Variants in YTHDC2 observed in about 807,000 individuals in gnomAD.
The protein encoded by YTHDC2 is 3'-5' RNA helicase YTHDC2.
A neutral mutation model predicts 174.9 loss-of-function variants in YTHDC2; 45 were observed. The ratio of observed to expected loss-of-function variants is 0.26; its 90% CI spans 0.20 to 0.33. The LOEUF is 0.33. Ranked by LOEUF, YTHDC2 falls within the 10% of genes least tolerant of loss-of-function variation. The pLI is 1.00. For synonymous variants in YTHDC2, 657 were observed against 574.5 expected (o/e 1.14, Z -2.05); for missense variants, 1,650 against 1,723.7 (o/e 0.96, Z 0.76).
At position 113,581,352 on chromosome 5, in the gene YTHDC2, A is replaced by C; in HGVS notation, c.3355-65A>C. On this transcript the variant is annotated intron_variant, in intron 24 of 29. Transcript: ENST00000161863. ...AAACAGTTGCAAACTAATGGAAACT[A>C]ATCAACACATAGGTGTTTTGCATAT... The C allele has an allele frequency of 3.6e-6, 5 of 1,379,942 alleles. No individual in the cohort carries two copies. In the South Asian group the frequency reaches 6.0e-5, roughly 17 times the overall value. 85.5% of individuals were successfully genotyped at this position (1,379,942 alleles called of 1,614,324 possible). A position where few individuals can be genotyped will look rare whatever the true frequency, so the allele number is the denominator to read the frequency against.
At chr5:113,573,830 G>A (rs2112763167) in intron 23 of YTHDC2, among the ~76,000 whole-genome samples, 1 of 152,248 alleles carries the variant, frequency 6.6e-6, no homozygotes, top group East Asian at 1.9e-4. Flanking sequence ...GGTCGGTTAT[G>A]TTCTTCTCTA....
intron 20 of YTHDC2, among the ~76,000 whole-genome samples, chr5:113,564,841 T>C (rs1007232361): frequency 1.3e-5 from 2 of 152,216 alleles, no homozygotes; most frequent in East Asian, 3.8e-4. Flanking sequence ...TTTGAGACAG[T>C]CTTGCTCTGT....
At chr5:113,522,146 T>TTTTTTTTTTTG (rs1773915388) in intron 2 of YTHDC2, among the ~76,000 whole-genome samples, 1 of 147,314 alleles carries the variant, frequency 6.8e-6, no homozygotes, top group Non-Finnish European at 1.5e-5. Context: ...TTTTTGTTTT[T>TTTTTTTTTTTG]TTTTTTTTTG....
chr5:113,548,778 G>T, intron 11 of YTHDC2, 111 bp downstream of exon 11: 1 of 1,253,858 alleles, frequency 8.0e-7, no homozygotes, highest in Non-Finnish European at 1.1e-6. Context: ...ATAATTGCTG[G>T]TGAATTTCTG....
chr5:113,521,792 C>G (rs139183069), intron 2 of YTHDC2, among the ~76,000 whole-genome samples: 206 of 145,232 alleles, frequency 1.4e-3, no homozygotes, highest in African/African-American at 5.0e-3. Flanking sequence ...GTGACCATGC[C>G]TTGAAAGCAA....
At chr5:113,540,054 T>C (rs1181555820) in intron 8 of YTHDC2, among the ~76,000 whole-genome samples, 1 of 152,154 alleles carries the variant, frequency 6.6e-6, no homozygotes, top group African/African-American at 2.4e-5. Flanking sequence ...GCCCAACTAA[T>C]TTTTAAAATA....
At position 113,557,066 on chromosome 5, in the gene YTHDC2, A is replaced by T. The variant is rs374483432; in HGVS notation, c.2216+932A>T. ...TAGTCTTTTGTGGTAAGAAAAATAT[A>T]TGTGTGTTTGTGTATGTATTTTGAC... On this transcript the variant is annotated intron_variant, in intron 17 of 29. Transcript: ENST00000161863. 1.8e-4 allele frequency among the ~76,000 whole-genome samples: 28 copies of T among 152,310 alleles called. 1 individual carries two copies. The highest frequency in any genetic ancestry group is 1.5e-3 in the East Asian group (8 of 5,182).
At chr5:113,525,365 C>G (rs180750580) in intron 3 of YTHDC2, among the ~76,000 whole-genome samples, 188 bp downstream of exon 3, 1 of 151,858 alleles carries the variant, frequency 6.6e-6, no homozygotes, top group East Asian at 1.9e-4. Context: ...TTAAGTTGAA[C>G]CAAGTTTTTT....
chr5:113,546,044 C>G (rs941492032), intron 10 of YTHDC2, among the ~76,000 whole-genome samples: 2 of 151,872 alleles, frequency 1.3e-5, no homozygotes, highest in Non-Finnish European at 2.9e-5. Context: ...CCGGCCTGAT[C>G]TCCATTTTTA....
In YTHDC2 at chr5:113,567,263, C is replaced by T; in HGVS notation, c.3014C>T (p.Pro1005Leu). ...GPKEKKVRFHPASVLSQPQYK... is the reference protein window; with the variant it reads ...GPKEKKVRFHLASVLSQPQYK... ...AAGGAGAAAAAAGTACGATTTCATC[C>T]TGCTTCAGTTCTCAGTCAGCCTCAA... The change falls in exon 22 of 30, where the codon CCT becomes CTT. Residue 1005 changes from proline to leucine, a missense_variant. By Grantham distance (98) the Pro-to-Leu change is moderately conservative (BLOSUM62 -3). Transcript: ENST00000161863. The T allele has an allele frequency of 3.7e-6, 6 of 1,612,956 alleles. No individual in the cohort carries two copies. Among genetic ancestry groups the T allele is most frequent in the Non-Finnish European group, 4.2e-6 (5 of 1,179,688 alleles).
intron 28 of YTHDC2, 25 bp downstream of exon 28, chr5:113,592,203 A>T (rs73242858): frequency 0.23 from 353,451 of 1,511,738 alleles, 49,469 homozygotes; most frequent in African/African-American, 0.63. Context: ...TTTTTTTTTT[A>T]TTTACTTTTG....
chr5:113,538,056 C>T (rs1237604793), intron 7 of YTHDC2, among the ~76,000 whole-genome samples: 1 of 152,130 alleles, frequency 6.6e-6, no homozygotes, highest in African/African-American at 2.4e-5. Context: ...TTCAGATTTG[C>T]AAGCCAGACA....
At chr5:113,573,203 ATC>A (rs1777841355) in intron 23 of YTHDC2, among the ~76,000 whole-genome samples, 2 of 152,176 alleles carry the variant, frequency 1.3e-5, no homozygotes, top group South Asian at 4.1e-4. Flanking sequence ...TCTGAAAAGG[ATC>A]TTATTTCTCC....
intron 3 of YTHDC2, among the ~76,000 whole-genome samples, chr5:113,526,287 ATTTATT>A (rs1774231942): frequency 6.6e-6 from 1 of 151,964 alleles, no homozygotes; most frequent in African/African-American, 2.4e-5. Flanking sequence ...TTATTGAATG[ATTTATT>A]TTTATCAATT....
At chr5:113,531,582 C>T (rs1425636267) in intron 4 of YTHDC2, among the ~76,000 whole-genome samples, 1 of 151,958 alleles carries the variant, frequency 6.6e-6, no homozygotes. Context: ...TGCCTTCAGC[C>T]AAACACTTTA....
chr5:113,528,873 A>G (rs1774467407), intron 4 of YTHDC2, among the ~76,000 whole-genome samples: 1 of 152,054 alleles, frequency 6.6e-6, no homozygotes, highest in Non-Finnish European at 1.5e-5. Context: ...AGAATCTCCA[A>G]ATATATGCTC....
intron 20 of YTHDC2, chr5:113,565,623 CT>C: frequency 4.1e-6 from 1 of 246,426 alleles, no homozygotes; most frequent in East Asian, 9.4e-5. Context: ...GCAGATGCAT[CT>C]GAGAAGGCAA....
chr5:113,569,145 T>A (rs1467425691), intron 23 of YTHDC2, among the ~76,000 whole-genome samples: 1 of 152,202 alleles, frequency 6.6e-6, no homozygotes, highest in Non-Finnish European at 1.5e-5. Flanking sequence ...CACATGTACA[T>A]CTTTTGAAAA....
chr5:113,524,616 A>G (rs1774089155), intron 2 of YTHDC2, among the ~76,000 whole-genome samples: 2 of 152,048 alleles, frequency 1.3e-5, no homozygotes, highest in South Asian at 4.1e-4. Flanking sequence ...TATCATTTTT[A>G]GGTTCTATTG....
Sources: gnomAD v4.1 joint callset for allele counts (sites outside exome capture counted in the v4.1 genomes callset) on GRCh38, gnomAD v4.1.1 for gene constraint, MANE v1.5 for transcripts, NCBI Gene and HGNC (gene_info 2026-07-23, HGNC 2026-07-21) for gene names.